Variants in ABCA3 observed in about 807,000 individuals in gnomAD.
ABCA3 encodes ATP binding cassette subfamily A member 3.
In ABCA3, 88 loss-of-function variants were observed where a neutral mutation model predicts 172.8. The observed-to-expected ratio is 0.51, with a 90% CI of 0.43 to 0.61. ABCA3 has a LOEUF of 0.61. ABCA3 is among the 20% of genes least tolerant of loss of function. The pLI is 0.00. For synonymous variants in ABCA3, 1,066 were observed against 983.8 expected (o/e 1.08, Z -1.56); for missense variants, 2,164 against 2,301.0 (o/e 0.94, Z 1.22).
Position 2,326,050 on chromosome 16 carries a change from G to A in ABCA3, c.279C>T (p.Val93=). ...CAAGTGCCCTGCGCACTGTCTCAGT[G>A]ACGGTCTTGGCAGCGTCACTGTGAG... ...IPSHSDAAKT[V]TETVRRALVI... Residue 93 remains valine (V), a synonymous_variant, in exon 5 of 33, where the codon GTC becomes GTT. Coordinates refer to ENST00000301732, the MANE Select transcript of ABCA3 (RefSeq NM_001089.3). The A allele has an allele frequency of 6.2e-7, 1 of 1,614,070 alleles. No individual in the cohort carries two copies. Among genetic ancestry groups the A allele is most frequent in the South Asian group, 1.1e-5 (1 of 91,064 alleles).
chr16:2,279,229 C>T lies in ABCA3; in HGVS notation c.4360-99G>A, dbSNP rs2093651484. 3 of 1,394,242 alleles carry T rather than the reference C, an allele frequency of 2.2e-6. No individual in the cohort carries two copies. The highest frequency in any genetic ancestry group is 3.0e-6 in the Non-Finnish European group (3 of 1,013,560). 86.4% of individuals were successfully genotyped at this position (1,394,242 alleles called of 1,614,324 possible). The stretch of plus-strand genomic sequence containing the variant: ...TACCCTTGAGGTGCCCACCACTGCG[C>T]CTGTCTGTGGTTCCTGCCAGTGTGT... On this transcript the variant is annotated intron_variant, in intron 28 of 32. Transcript: ENST00000301732. This position sits in a 1 kb window ranked among gnomAD's most constrained non-coding sequence, Gnocchi z 4.4.
Position 2,278,968 on chromosome 16 carries a change from C to T in ABCA3, c.4522G>A (p.Ala1508Thr). ...CTGTACGTCCTGACCAGCTTGTTGG[C>T]ATGTGGCTCCAGCAGCAGGCCCCGC... ...TLRGLLLEPH[A>T]NKLVRTYSGG... Residue 1508 changes from alanine to threonine, a missense_variant, in exon 29 of 33, where the codon GCC becomes ACC. By Grantham distance (58) the Ala-to-Thr change is moderately conservative. Transcript: ENST00000301732. This position sits in a 1 kb window ranked among gnomAD's most constrained non-coding sequence, Gnocchi z 4.4. 6.2e-7 allele frequency: 1 copy of T among 1,613,630 alleles called. No individual in the cohort carries two copies. Among genetic ancestry groups the T allele is most frequent in the South Asian group, 1.1e-5 (1 of 91,086 alleles).
At chr16:2,315,203 T>TACACACACACAC (rs377647001) in intron 10 of ABCA3, among the ~76,000 whole-genome samples, 10 of 138,502 alleles carry the variant, frequency 7.2e-5, no homozygotes, top group South Asian at 2.3e-4. Flanking sequence ...GTATGTATTT[T>TACACACACACAC]ACACACACAC....
chr16:2,296,390 A>G (rs866156203), intron 17 of ABCA3, among the ~76,000 whole-genome samples: 1 of 152,150 alleles, frequency 6.6e-6, no homozygotes, highest in African/African-American at 2.4e-5. Context: ...ATGCACCACC[A>G]TACCTGGTTA....
chr16:2,298,913 A>T (rs1047986573), intron 14 of ABCA3, among the ~76,000 whole-genome samples: 1 of 152,094 alleles, frequency 6.6e-6, no homozygotes, highest in Non-Finnish European at 1.5e-5. Context: ...GAGAGCTCTC[A>T]GAGAGGGGTT....
Position 2,285,140 on chromosome 16 carries a change from C to T in ABCA3, c.3484-142G>A. On this transcript the variant is annotated intron_variant, in intron 23 of 32. Coordinates refer to ENST00000301732, the MANE Select transcript of ABCA3 (RefSeq NM_001089.3). This position sits in a 1 kb window ranked among gnomAD's most constrained non-coding sequence, Gnocchi z 4.7. ...TGTCCATCAGCCCCACAGGCCACGT[C>T]TGGCCCCCGCGGTGGCTTTCAGCCC... 4 of 1,001,004 alleles carry T rather than the reference C, an allele frequency of 4.0e-6. No individual in the cohort carries two copies. The South Asian group carries it at 5.5e-5, about 14-fold the overall frequency. The allele number at this position is 1,001,004 out of a possible 1,614,324, so 62.0% of individuals were successfully genotyped here. A position where few individuals can be genotyped will look rare whatever the true frequency, so the allele number is the denominator to read the frequency against.
rs779362355 is a variant in ABCA3 at position 2,324,445 on chromosome 16, C to T, written c.406G>A (p.Glu136Lys). Residue 136 changes from glutamate (E) to lysine (K), a missense_variant, in exon 6 of 33, where the codon GAG (glutamate) becomes AAG (lysine). Glu to Lys is a moderately conservative substitution (Grantham distance 56, BLOSUM62 1). Around this residue, in one of 3 missense-constraint regions of ABCA3, gnomAD observed 1,343 missense variants for 1,369.6 expected, o/e 0.98. Coordinates refer to ENST00000301732, the MANE Select transcript of ABCA3 (RefSeq NM_001089.3). The stretch of plus-strand genomic sequence containing the variant: ...TCCTTGCTGTGGTTGAAGGGGTGCT[C>T]GAAGACCACGGCGGCCAGCACGCTG... ...SSSVLAAVVF[E>K]HPFNHSKEPL... is the part of the protein sequence containing the mutation. The T allele has an allele frequency of 8.7e-6, 14 of 1,607,410 alleles. No individual in the cohort carries two copies. Among genetic ancestry groups the T allele is most frequent in the East Asian group, 2.2e-5 (1 of 44,808 alleles).
intron 15 of ABCA3, 24 bp downstream of exon 15, chr16:2,298,362 G>A (rs2093683451): frequency 1.2e-6 from 2 of 1,613,690 alleles, no homozygotes; most frequent in African/African-American, 2.7e-5. Context: ...AAACACCCCT[G>A]CACACCCCTG....
At chr16:2,312,074 A>T (rs2093707532) in intron 10 of ABCA3, among the ~76,000 whole-genome samples, 1 of 152,236 alleles carries the variant, frequency 6.6e-6, no homozygotes, top group Non-Finnish European at 1.5e-5. Context: ...ATCATACAAT[A>T]TTAAAAAAAT....
In ABCA3 at chr16:2,299,760, G is replaced by C. The variant is rs112455852; in HGVS notation, c.1612-228C>G. Among the ~76,000 whole-genome samples, 27 of 152,326 alleles carry C rather than the reference G, an allele frequency of 1.8e-4. 3 individuals are homozygous for C. Among genetic ancestry groups the C allele is most frequent in the African/African-American group, 6.5e-4 (27 of 41,576 alleles). ...ACCCTCAGTGTCTCTGCAACCCTGG[G>C]AGGCCCATGAGGCCGAGGCACTGCT... On this transcript the variant is annotated intron_variant, in intron 13 of 32. Coordinates refer to ENST00000301732, the MANE Select transcript of ABCA3 (RefSeq NM_001089.3).
chr16:2,285,557 C>T lies in ABCA3; in HGVS notation c.3368G>A (p.Arg1123Lys), dbSNP rs760978533. 6.3e-7 allele frequency: 1 copy of T among 1,586,122 alleles called. No individual in the cohort carries two copies. The highest frequency in any genetic ancestry group is 8.6e-7 in the Non-Finnish European group (1 of 1,165,896). Residue 1123 changes from arginine to lysine, a missense_variant, in exon 23 of 33, where the codon AGG becomes AAG. Transcript: ENST00000301732. The surrounding 1 kb of genome is among the most constrained non-coding windows in gnomAD (Gnocchi z 4.7). ...STFSILAVSE[R>K]AVQAKHVQFV... ...CTGCACATGCTTGGCCTGCACGGCC[C>T]TCTCGCTGACCGCCAGGATGGAGAA... is the stretch of plus-strand genomic sequence containing the variant.
In ABCA3 at chr16:2,281,761, A is replaced by T. The variant is rs928406703; in HGVS notation, c.4036-252T>A. Among the ~76,000 whole-genome samples, 1 of 152,222 alleles carries T rather than the reference A, an allele frequency of 6.6e-6. No homozygotes were observed. Among genetic ancestry groups the T allele is most frequent in the Non-Finnish European group, 1.5e-5 (1 of 68,046 alleles). ...AAGAACTGTGCGGGACTCATGGAGA[A>T]AAATCATAAATCTGCTGGGGAATAT... On this transcript the variant is annotated intron_variant, in intron 26 of 32. Transcript: ENST00000301732. This position sits in a 1 kb window ranked among gnomAD's most constrained non-coding sequence, Gnocchi z 4.7.
chr16:2,324,128 T>A (rs531852313), intron 6 of ABCA3, among the ~76,000 whole-genome samples: 65 of 152,306 alleles, frequency 4.3e-4, no homozygotes, highest in Non-Finnish European at 8.5e-4. Context: ...ACCAGTAATA[T>A]CTTTCATAAA....
intron 7 of ABCA3, 131 bp downstream of exon 7, chr16:2,323,392 C>T (rs2093729065): frequency 2.4e-6 from 3 of 1,241,774 alleles, no homozygotes; most frequent in Non-Finnish European, 3.5e-6. Context: ...ACAGCAAAGA[C>T]TTGGAACCAA....
chr16:2,293,715 G>C (rs1657065), intron 18 of ABCA3, among the ~76,000 whole-genome samples: 20,792 of 149,926 alleles, frequency 0.14, 1,868 homozygotes, highest in Non-Finnish European at 0.2. Context: ...TTTTGTTTTT[G>C]TATTTTTAGT....
At position 2,295,586 on chromosome 16, in the gene ABCA3, G is replaced by A. The variant is rs780517355; in HGVS notation, c.2414+4C>T. ...CCTGTGCGTGCCCTCCCTGGGAGGC[G>A]TACCTGTGCGTGCTCTCTCTGGGAA... On this transcript the variant is annotated splice_donor_region_variant and intron_variant, in intron 18 of 32. Coordinates refer to ENST00000301732, the MANE Select transcript of ABCA3 (RefSeq NM_001089.3). 3.0e-5 allele frequency: 49 copies of A among 1,612,444 alleles called. No individual in the cohort carries two copies. The highest frequency in any genetic ancestry group is 1.3e-4 in the East Asian group (6 of 44,890).
rs1190636462 is a variant in ABCA3, at chr16:2,277,576, G to C, written c.4983+21C>G. On this transcript the variant is annotated intron_variant, in intron 32 of 32. Coordinates refer to ENST00000301732, the MANE Select transcript of ABCA3 (RefSeq NM_001089.3). The surrounding 1 kb of genome is among the most constrained non-coding windows in gnomAD (Gnocchi z 5.3). ...CCCCCTGCCCCATGAGTGCCCAGTG[G>C]GGCCCCAGGGACTGCCTCACCTTCG... The C allele has an allele frequency of 1.9e-6, 3 of 1,612,594 alleles. No homozygotes were observed. Among genetic ancestry groups the C allele is most frequent in the Non-Finnish European group, 2.5e-6 (3 of 1,179,850 alleles).
At chr16:2,336,500 G>A (rs1596874019) in intron 1 of ABCA3, among the ~76,000 whole-genome samples, 2 of 150,210 alleles carry the variant, frequency 1.3e-5, no homozygotes, top group Non-Finnish European at 3.0e-5. Context: ...GTGCAATCTC[G>A]GCTCACTGCA....
rs776132037 is a variant in ABCA3 at position 2,317,785 on chromosome 16, G to A, written c.874-21C>T. 1.2e-5 allele frequency: 20 copies of A among 1,608,978 alleles called. No homozygotes were observed. In the Admixed American group the frequency reaches 2.3e-4, roughly 19 times the overall value. ...TACTCCTGGGGAGAGAAGCCATCAC[G>A]CTGCTGGGGGCCCGTCACTGCCCGC... On this transcript the variant is annotated intron_variant, in intron 8 of 32. Transcript: ENST00000301732.
Sources: gnomAD v4.1 joint callset for allele counts (sites outside exome capture counted in the v4.1 genomes callset) on GRCh38, gnomAD v4.1.1 for gene constraint, gnomAD v4.1.1 regional missense constraint, Gnocchi (gnomAD v3.1) non-coding constraint, MANE v1.5 for transcripts, NCBI Gene and HGNC (gene_info 2026-07-23, HGNC 2026-07-21) for gene names.